The following PCDHA9 variants were observed in gnomAD, a reference collection of about 807,000 sequenced individuals.
PCDHA9 encodes the protein protocadherin alpha-9.
A neutral mutation model predicts 62.0 loss-of-function variants in PCDHA9; 62 were observed. That is an observed-to-expected ratio of 1.00 (90% CI 0.81 to 1.23). The LOEUF (loss-of-function observed/expected upper bound fraction) is 1.23. Among genes scored for constraint, PCDHA9 ranks in the 50% most tolerant of loss-of-function variants. The pLI is 0.00. For synonymous variants in PCDHA9, 557 were observed against 567.6 expected, an observed-to-expected ratio of 0.98 and a Z score of 0.27; for missense variants, 1,205 against 1,249.8, an observed-to-expected ratio of 0.96 and a Z score of 0.54.
chr5:140,984,091 T>G (rs1357477287), intron 3 of PCDHA9, among the ~76,000 whole-genome samples: 1 of 152,204 alleles, frequency 6.6e-6, no homozygotes. Context: ...GAAGAAATGA[T>G]GGAGGAGGAA....
chr5:140,876,718 G>C, intron 1 of PCDHA9: 1 of 1,614,242 alleles, frequency 6.2e-7, no homozygotes, highest in Non-Finnish European at 8.5e-7. Context: ...CCTGGACCGC[G>C]AGAGCGTGTC....
intron 1 of PCDHA9, among the ~76,000 whole-genome samples, chr5:140,880,775 ATGTT>A (rs1320602954): frequency 6.6e-6 from 1 of 152,230 alleles, no homozygotes; most frequent in Admixed American, 6.5e-5. Context: ...GCTAAAAAGA[ATGTT>A]AGAGGAGTAA....
intron 1 of PCDHA9, among the ~76,000 whole-genome samples, chr5:140,941,877 A>T (rs1554214743): frequency 1.3e-5 from 2 of 152,224 alleles, no homozygotes; most frequent in Non-Finnish European, 2.9e-5. Flanking sequence ...TTCTATCACC[A>T]GTGACTAGCA....
At chr5:140,936,571 C>G (rs2153629502) in intron 1 of PCDHA9, among the ~76,000 whole-genome samples, 1 of 152,342 alleles carries the variant, frequency 6.6e-6, no homozygotes, top group African/African-American at 2.4e-5. Flanking sequence ...ATATTTTCCA[C>G]TTGTAAATCC....
rs781922775 is a variant in PCDHA9 at position 140,856,490 on chromosome 5, G to C, written c.2394+5601G>C. On this transcript the variant is annotated intron_variant, in intron 1 of 3. Coordinates refer to ENST00000532602, the MANE Select transcript of PCDHA9 (RefSeq NM_031857.2). Reference sequence around the variant, plus strand: ...CTCAATACCTGAATCCAGACTGCTTGACTCTCGATTTCCACTAGAAGGCGC... The same window carrying C: ...CTCAATACCTGAATCCAGACTGCTTCACTCTCGATTTCCACTAGAAGGCGC... 1.9e-6 allele frequency: 3 copies of C among 1,598,350 alleles called. 1 individual carries two copies. The highest frequency in any genetic ancestry group is 2.6e-6 in the Non-Finnish European group (3 of 1,167,864).
At chr5:140,990,836 C>G (rs1358432111) in intron 3 of PCDHA9, among the ~76,000 whole-genome samples, 1 of 152,120 alleles carries the variant, frequency 6.6e-6, no homozygotes, top group East Asian at 1.9e-4. Context: ...AGCCTATTAG[C>G]AAAAATAGAG....
chr5:140,869,430 C>T (rs73793507), intron 1 of PCDHA9: 3 of 1,614,154 alleles, frequency 1.9e-6, no homozygotes, highest in South Asian at 2.2e-5. Context: ...TGGAGGTGAT[C>T]GTGGACAGGC....
intron 3 of PCDHA9, among the ~76,000 whole-genome samples, chr5:141,008,546 A>G (rs2098381708): frequency 6.6e-6 from 1 of 150,382 alleles, no homozygotes; most frequent in Non-Finnish European, 1.5e-5. Flanking sequence ...TTTATTGAAA[A>G]CTCCTGTGGA....
rs149972776 is a variant in PCDHA9, at chr5:140,883,738, C to G, written c.2394+32849C>G. On this transcript the variant is annotated intron_variant, in intron 1 of 3. Transcript: ENST00000532602. The stretch of plus-strand genomic sequence containing the variant: ...CGGACGCACAGGAGAACGCGCTGGT[C>G]TCCTACTCGCTGGTGGAGCGGCGGG... 852 of 1,613,378 alleles carry G rather than the reference C, an allele frequency of 5.3e-4. 5 individuals carry two copies. In the African/African-American group the frequency reaches 9.2e-3, roughly 17 times the overall value.
At chr5:140,910,408 G>A (rs1165160124) in intron 1 of PCDHA9, among the ~76,000 whole-genome samples, 2 of 152,106 alleles carry the variant, frequency 1.3e-5, no homozygotes, top group African/African-American at 2.4e-5. Flanking sequence ...CTGCCACCTC[G>A]AGATCCAATT....
At chr5:140,996,355 G>A (rs1164124431) in intron 3 of PCDHA9, among the ~76,000 whole-genome samples, 1 of 152,218 alleles carries the variant, frequency 6.6e-6, no homozygotes, top group Non-Finnish European at 1.5e-5. Flanking sequence ...ACCAAAGTCA[G>A]AAGCCATTTT....
rs149179821 is a variant in PCDHA9 at position 141,012,224 on chromosome 5, C to T, written c.*2287C>T. 2 of 153,832 alleles carry T rather than the reference C, an allele frequency of 1.3e-5. No homozygotes were observed. Among genetic ancestry groups the T allele is most frequent in the East Asian group, 3.9e-4 (2 of 5,184 alleles). 9.5% of individuals were successfully genotyped at this position (153,832 alleles called of 1,614,324 possible). On this transcript the variant is annotated 3_prime_UTR_variant, in exon 4 of 4. Coordinates refer to ENST00000532602, the MANE Select transcript of PCDHA9 (RefSeq NM_031857.2). ...CTTTTTACATTTGCGAAGTGCTTTC[C>T]AATCCATGTTAGTTACTAGTTATTA...
Position 140,858,600 on chromosome 5 carries a change from TA to T in PCDHA9, c.2394+7715del, listed in dbSNP as rs1554151860. 9.3e-6 allele frequency: 12 copies of T among 1,293,864 alleles called. 1 individual carries two copies. Among genetic ancestry groups the T allele is most frequent in the Non-Finnish European group, 1.3e-5 (12 of 949,282 alleles). 80.1% of individuals were successfully genotyped at this position (1,293,864 alleles called of 1,614,324 possible). ...GTAATATAATTTATTCCAGGAGTTT[TA>T]AAATTTTTTTATCCTACCCAGTGTG... is the stretch of plus-strand genomic sequence containing the variant. On this transcript the variant is annotated intron_variant, in intron 1 of 3. Coordinates refer to ENST00000532602, the MANE Select transcript of PCDHA9 (RefSeq NM_031857.2).
chr5:140,854,993 C>T lies in PCDHA9; in HGVS notation c.2394+4104C>T, dbSNP rs781816835. Among the ~76,000 whole-genome samples, 37 of 149,404 alleles carry T rather than the reference C, an allele frequency of 2.5e-4. 3 individuals carry two copies. The highest frequency in any genetic ancestry group is 4.7e-4 in the Admixed American group (7 of 14,878). ...AATTATAATTAAGATTCTTTTTGCC[C>T]GTGTAAGATATTATAAAATGAAACT... is the stretch of plus-strand genomic sequence containing the variant. On this transcript the variant is annotated intron_variant, in intron 1 of 3. Coordinates refer to ENST00000532602, the MANE Select transcript of PCDHA9 (RefSeq NM_031857.2).
intron 1 of PCDHA9, chr5:140,928,069 A>C (rs782427256): frequency 6.2e-7 from 1 of 1,614,180 alleles, no homozygotes; most frequent in Non-Finnish European, 8.5e-7. Context: ...TTCCTTTGAC[A>C]ACTACTACAG....
At chr5:140,871,097 T>A in intron 1 of PCDHA9, 1 of 1,613,266 alleles carries the variant, frequency 6.2e-7, no homozygotes, top group Admixed American at 1.7e-5. Flanking sequence ...GCCACCGTGC[T>A]GGTGTCGTTG....
At chr5:140,928,271 C>G in intron 1 of PCDHA9, 2 of 1,614,186 alleles carry the variant, frequency 1.2e-6, no homozygotes, top group East Asian at 4.5e-5. Flanking sequence ...AACAATGGCC[C>G]TGGGGCCTCT....
At chr5:140,929,010 G>A in intron 1 of PCDHA9, 2 of 1,614,128 alleles carry the variant, frequency 1.2e-6, no homozygotes, top group Non-Finnish European at 1.7e-6. Flanking sequence ...TGTGTACCAA[G>A]TTGCACCAGA....
chr5:140,885,213 AT>A (rs1364699535), intron 1 of PCDHA9, among the ~76,000 whole-genome samples: 44 of 152,178 alleles, frequency 2.9e-4, no homozygotes, highest in African/African-American at 1.0e-3. Context: ...CCCATGAAAA[AT>A]ATCTTGTGAT....
Sources: gnomAD v4.1 joint callset for allele counts (sites outside exome capture counted in the v4.1 genomes callset) on GRCh38, gnomAD v4.1.1 for gene constraint, MANE v1.5 for transcripts, NCBI Gene and HGNC (gene_info 2026-07-23, HGNC 2026-07-21) for gene names.